Variants in CCNH observed in about 807,000 individuals in gnomAD.
CCNH encodes the protein cyclin H, also known as cyclin-H.
CCNH carries 31 observed loss-of-function variants against 41.9 expected under a neutral mutation model. That is an observed-to-expected ratio of 0.74 (90% confidence interval 0.56 to 1.00). The LOEUF is 1.00. CCNH is among the 50% of genes least tolerant of loss of function. The probability of loss-of-function intolerance (pLI) is 0.00; values close to 1 mark genes in which losing one functional copy is unlikely to be tolerated. For synonymous variants in CCNH, 138 were observed against 136.1 expected (o/e 1.01, Z -0.10); for missense variants, 362 against 388.4 (o/e 0.93, Z 0.57).
At chr5:87,356,037 T>C (rs1011343377) in intron 9 of CCNH, among the ~76,000 whole-genome samples, 2 of 152,230 alleles carry the variant, frequency 1.3e-5, no homozygotes, top group African/African-American at 2.4e-5. Flanking sequence ...TCTCTTGAGA[T>C]AGAATCTACT....
chr5:87,313,762 A>T (rs1409352860), downstream of CCNH, among the ~76,000 whole-genome samples: 1 of 152,262 alleles, frequency 6.6e-6, no homozygotes, highest in East Asian at 1.9e-4. Flanking sequence ...CAAGGGATCA[A>T]CGAGATGACA....
Position 87,337,876 on chromosome 5 carries a change from A to G in CCNH, c.*91-18979T>C, listed in dbSNP as rs1049413519. ...TGACTCTAATTCCTTACATTTTTCA[A>G]TATAATACTATCCCTATCCTATTTT... On this transcript the variant is annotated intron_variant and NMD_transcript_variant, in intron 9 of 9. Coordinates refer to the CCNH transcript ENST00000645953. 7.0e-6 allele frequency: 9 copies of G among 1,283,406 alleles called. No individual in the cohort carries two copies. The Admixed American group carries it at 1.4e-4, about 20-fold the overall frequency. The allele number at this position is 1,283,406 out of a possible 1,614,324, so 79.5% of individuals were successfully genotyped here.
rs749574917 is a variant in CCNH, at chr5:87,394,397, C to CT, written c.*48dup. On this transcript the variant is annotated 3_prime_UTR_variant, in exon 9 of 9. Coordinates refer to ENST00000256897, the MANE Select transcript of CCNH (RefSeq NM_001239.4). Reference sequence around the variant, plus strand: ...TAAATAAAGTTAAACGTTTGATATGCTTCCTACTTCTCTTGATTAGTTAGC... The same window carrying CT: ...TAAATAAAGTTAAACGTTTGATATGCTTTCCTACTTCTCTTGATTAGTTAGC... 1.3e-6 allele frequency: 2 copies of CT among 1,592,858 alleles called. No individual in the cohort carries two copies. Among genetic ancestry groups the CT allele is most frequent in the South Asian group, 2.3e-5 (2 of 87,624 alleles).
downstream of CCNH, chr5:87,374,730 T>G: frequency 1.1e-6 from 1 of 933,200 alleles, no homozygotes; most frequent in Non-Finnish European, 1.5e-6. Flanking sequence ...TAGCACACTG[T>G]TTTTTTTTTT....
chr5:87,328,214 G>C (rs1757371685), intron 9 of CCNH, among the ~76,000 whole-genome samples: 2 of 152,120 alleles, frequency 1.3e-5, no homozygotes, highest in African/African-American at 4.8e-5. Flanking sequence ...CTTTAACTTA[G>C]ATGATGAGCT....
chr5:87,407,513 A>T (rs896917895), intron 4 of CCNH, among the ~76,000 whole-genome samples: 8 of 152,202 alleles, frequency 5.3e-5, no homozygotes, highest in Non-Finnish European at 1.2e-4. Flanking sequence ...TATATTATTG[A>T]TGCCTACATA....
chr5:87,389,691 G>A (rs1358214170), downstream of CCNH, among the ~76,000 whole-genome samples: 7 of 152,152 alleles, frequency 4.6e-5, no homozygotes, highest in African/African-American at 1.4e-4. Flanking sequence ...AACGGGCCCC[G>A]ACTAAAATGA....
chr5:87,383,047 G>A (rs1761831728), intron 9 of CCNH, among the ~76,000 whole-genome samples: 1 of 152,112 alleles, frequency 6.6e-6, no homozygotes, highest in East Asian at 1.9e-4. Flanking sequence ...AGCTGTGATT[G>A]TGGGCCACTG....
intron 9 of CCNH, among the ~76,000 whole-genome samples, chr5:87,338,529 AT>A (rs1758163321): frequency 1.1e-5 from 1 of 92,368 alleles, no homozygotes; most frequent in Non-Finnish European, 2.2e-5. Context: ...ATATATATAT[AT>A]ATAAAATTTT....
chr5:87,393,074 G>GAA (rs138557953), downstream of CCNH, among the ~76,000 whole-genome samples: 6 of 133,824 alleles, frequency 4.5e-5, no homozygotes, highest in Non-Finnish European at 8.0e-5. Flanking sequence ...TCTGGAATGA[G>GAA]AAAAAAAAAA....
At chr5:87,351,913 A>G (rs1317207318) in intron 9 of CCNH, among the ~76,000 whole-genome samples, 1 of 151,758 alleles carries the variant, frequency 6.6e-6, no homozygotes, top group African/African-American at 2.4e-5. Context: ...ATTGTATTTT[A>G]CAGTTACTGA....
At chr5:87,406,712 C>G (rs905985526) in intron 4 of CCNH, among the ~76,000 whole-genome samples, 1 of 152,108 alleles carries the variant, frequency 6.6e-6, no homozygotes, top group Admixed American at 6.5e-5. Flanking sequence ...TCCTGTATCT[C>G]TGAAGCCCAG....
In CCNH at chr5:87,409,316, T is replaced by C. The variant is rs763917173; in HGVS notation, c.288A>G (p.Val96=). ...YFKRFYLNNS[V]MEYHPRIIML... is the part of the protein sequence containing the mutation. ...TTATTATCCTGGGGTGATATTCCAT[T>C]ACTGAGTTATTAAGATAAAAACGTT... Residue 96 remains valine, a synonymous_variant, in exon 3 of 9, where the codon GTA becomes GTG. Coordinates refer to ENST00000256897, the MANE Select transcript of CCNH (RefSeq NM_001239.4). 31 of 1,575,094 alleles carry C rather than the reference T, an allele frequency of 2.0e-5. No homozygotes were observed. The South Asian group carries it at 2.9e-4, about 15-fold the overall frequency.
intron 9 of CCNH, among the ~76,000 whole-genome samples, chr5:87,358,271 C>T (rs1465253356): frequency 6.6e-6 from 1 of 152,140 alleles, no homozygotes; most frequent in Non-Finnish European, 1.5e-5. Flanking sequence ...CAATATACCC[C>T]ATAATAAAAA....
At chr5:87,401,570 A>G (rs3093816) in intron 6 of CCNH, 132 bp downstream of exon 6, 261,384 of 636,916 alleles carry the variant, frequency 0.41, 55,081 homozygotes, top group Middle Eastern at 0.53. Context: ...TCATGCTTCC[A>G]TAATACAGTA....
intron 9 of CCNH, among the ~76,000 whole-genome samples, chr5:87,330,650 G>A (rs1301918661): frequency 6.6e-6 from 1 of 152,178 alleles, no homozygotes; most frequent in African/African-American, 2.4e-5. Flanking sequence ...AGTTTCTTAA[G>A]TAGATCATTT....
At chr5:87,395,971 T>A (rs1033950804) in intron 7 of CCNH, among the ~76,000 whole-genome samples, 6 of 151,856 alleles carry the variant, frequency 4.0e-5, no homozygotes, top group African/African-American at 1.5e-4. Flanking sequence ...ATATCATATA[T>A]AAATAAGTAC....
chr5:87,384,854 T>C (rs528062701), intron 9 of CCNH, among the ~76,000 whole-genome samples: 14 of 152,256 alleles, frequency 9.2e-5, no homozygotes, highest in African/African-American at 3.4e-4. Flanking sequence ...ATCTTGCTTC[T>C]TGAGCTTTAA....
chr5:87,321,778 G>T (rs560038967), intron 9 of CCNH, among the ~76,000 whole-genome samples: 4 of 152,130 alleles, frequency 2.6e-5, no homozygotes, highest in African/African-American at 7.2e-5. Flanking sequence ...AGTCCTTTTG[G>T]TTTTTTATGG....
Sources: gnomAD v4.1 joint callset for allele counts (sites outside exome capture counted in the v4.1 genomes callset) on GRCh38, gnomAD v4.1.1 for gene constraint, MANE v1.5 for transcripts, NCBI Gene and HGNC (gene_info 2026-07-23, HGNC 2026-07-21) for gene names.